The following DUSP4 variants were observed in gnomAD, a reference collection of about 807,000 sequenced individuals.
DUSP4 encodes dual specificity protein phosphatase 4.
A neutral mutation model predicts 27.2 loss-of-function variants in DUSP4; 12 were observed. That is an observed-to-expected ratio of 0.44 (90% CI 0.28 to 0.71). The LOEUF is 0.71. Among genes scored for constraint, DUSP4 ranks in the 30% least tolerant of loss-of-function variants. The pLI is 0.14. For synonymous variants in DUSP4, 257 were observed against 245.2 expected (o/e 1.05, Z -0.45); for missense variants, 448 against 551.3 (o/e 0.81, Z 1.88).
At chr8:29,346,350 G>A (rs1276442765) in intron 1 of DUSP4, among the ~76,000 whole-genome samples, 1 of 152,192 alleles carries the variant, frequency 6.6e-6, no homozygotes, top group Non-Finnish European at 1.5e-5. Flanking sequence ...GGAAGTTTTA[G>A]GTAGGTGGAA....
chr8:29,335,815 A>G lies in DUSP4; in HGVS notation c.*1211T>C, dbSNP rs921944716. 6.6e-6 allele frequency: 1 copy of G among 152,242 alleles called. No individual in the cohort carries two copies. The highest frequency in any genetic ancestry group is 2.4e-5 in the African/African-American group (1 of 41,470). 9.4% of individuals were successfully genotyped at this position (152,242 alleles called of 1,614,324 possible). A position where few individuals can be genotyped will look rare whatever the true frequency, so the allele number is the denominator to read the frequency against. On this transcript the variant is annotated 3_prime_UTR_variant, in exon 4 of 4. Coordinates refer to ENST00000240100, the MANE Select transcript of DUSP4 (RefSeq NM_001394.7). ...CACCTTAGTGTAATATGGCATATTG[A>G]TCACAGACGATAGACAAGTCTTAGG...
rs146330219 is a variant in DUSP4, at chr8:29,346,797, C to T, written c.433+3049G>A. On this transcript the variant is annotated intron_variant, in intron 1 of 3. Transcript: ENST00000240100. Reference sequence around the variant, plus strand: ...CACCTGCATGGAGTAACCAGTTCAACGTGGTTGAAGTAACCCTTCAACGTG... The same window carrying T: ...CACCTGCATGGAGTAACCAGTTCAATGTGGTTGAAGTAACCCTTCAACGTG... Among the ~76,000 whole-genome samples the T allele has an allele frequency of 5.9e-5, 9 of 152,324 alleles. No homozygotes were observed. The East Asian group carries it at 1.5e-3, about 26-fold the overall frequency.
chr8:29,349,784 G>T (rs1817794393), intron 1 of DUSP4, 62 bp downstream of exon 1: 3 of 1,423,174 alleles, frequency 2.1e-6, no homozygotes, highest in Non-Finnish European at 2.7e-6. Context: ...CCAATAAGGC[G>T]CAGGCCGCCA....
intron 2 of DUSP4, among the ~76,000 whole-genome samples, 161 bp from the exon 3 acceptor site, chr8:29,338,662 T>C (rs1817614149): frequency 6.6e-6 from 1 of 152,186 alleles, no homozygotes; most frequent in African/African-American, 2.4e-5. Flanking sequence ...CCTGGAACTC[T>C]TGGAGGGGTG....
At chr8:29,348,628 C>G in intron 1 of DUSP4, 1 of 985,536 alleles carries the variant, frequency 1.0e-6, no homozygotes, top group Non-Finnish European at 1.2e-6. Context: ...CTCCTCCGCA[C>G]TGAACAGTTT....
chr8:29,344,291 T>A (rs186933143), intron 1 of DUSP4, among the ~76,000 whole-genome samples: 1 of 152,344 alleles, frequency 6.6e-6, no homozygotes, highest in African/African-American at 2.4e-5. Flanking sequence ...TGCATTTCTA[T>A]CTCCTGAATA....
intron 1 of DUSP4, chr8:29,345,539 T>C (rs2117274499): frequency 6.4e-7 from 1 of 1,551,692 alleles, no homozygotes; most frequent in Non-Finnish European, 8.7e-7. Context: ...TCGTGCTTCC[T>C]CTTCGTTAGC....
chr8:29,345,956 A>AAGGCTATTTTATTTGC lies in DUSP4; in HGVS notation c.433+3889_433+3890insGCAAATAAAATAGCCT, dbSNP rs1332079435. 51 of 992,692 alleles carry AAGGCTATTTTATTTGC rather than the reference A, an allele frequency of 5.1e-5. No individual in the cohort carries two copies. In the African/African-American group the frequency reaches 7.7e-4, roughly 15 times the overall value. 61.5% of individuals were successfully genotyped at this position (992,692 alleles called of 1,614,324 possible). A position where few individuals can be genotyped will look rare whatever the true frequency, so the allele number is the denominator to read the frequency against. On this transcript the variant is annotated intron_variant, in intron 1 of 3. Coordinates refer to ENST00000240100, the MANE Select transcript of DUSP4 (RefSeq NM_001394.7). The stretch of plus-strand genomic sequence containing the variant: ...AGAAACTACCATATTTGCAAGCAGA[A>AAGGCTATTTTATTTGC]AAGCGAGTCATTTTCCCTTTAGGTA...
chr8:29,348,248 C>G lies in DUSP4; in HGVS notation c.433+1598G>C, dbSNP rs779706963. On this transcript the variant is annotated intron_variant, in intron 1 of 3. Transcript: ENST00000240100. ...AACATCCCGGCCAGCCCCGGCCATT[C>G]GAGGGGACTTGCGTCCCAGAGGAAT... is the stretch of plus-strand genomic sequence containing the variant. The G allele has an allele frequency of 4.1e-6, 4 of 985,466 alleles. No homozygotes were observed. In the African/African-American group the frequency reaches 7.0e-5, roughly 17 times the overall value. 61.0% of individuals were successfully genotyped at this position (985,466 alleles called of 1,614,324 possible). A position where few individuals can be genotyped will look rare whatever the true frequency, so the allele number is the denominator to read the frequency against.
chr8:29,335,728 T>G lies in DUSP4; in HGVS notation c.*1298A>C, dbSNP rs1014920988. ...ATCTCTAGTTGTCTGGTTTCCCCAATGGCTGGCCTTGCCAAATGATTTGCT... is the reference window on the plus strand; with the variant it reads ...ATCTCTAGTTGTCTGGTTTCCCCAAGGGCTGGCCTTGCCAAATGATTTGCT... On this transcript the variant is annotated 3_prime_UTR_variant, in exon 4 of 4. Coordinates refer to ENST00000240100, the MANE Select transcript of DUSP4 (RefSeq NM_001394.7). 1.3e-5 allele frequency: 2 copies of G among 152,258 alleles called. No individual in the cohort carries two copies. Among genetic ancestry groups the G allele is most frequent in the Admixed American group, 6.5e-5 (1 of 15,290 alleles). The allele number at this position is 152,258 out of a possible 1,614,324, so 9.4% of individuals were successfully genotyped here. A position where few individuals can be genotyped will look rare whatever the true frequency, so the allele number is the denominator to read the frequency against.
rs1554633712 is a variant in DUSP4 at position 29,335,735 on chromosome 8, C to T, written c.*1291G>A. ...GTTGTCTGGTTTCCCCAATGGCTGG[C>T]CTTGCCAAATGATTTGCTGTAGGAA... On this transcript the variant is annotated 3_prime_UTR_variant, in exon 4 of 4. Transcript: ENST00000240100. 6.6e-6 allele frequency: 1 copy of T among 152,254 alleles called. No individual in the cohort carries two copies. Among genetic ancestry groups the T allele is most frequent in the Non-Finnish European group, 1.5e-5 (1 of 68,046 alleles). The allele number at this position is 152,254 out of a possible 1,614,324, so 9.4% of individuals were successfully genotyped here.
At chr8:29,339,204 G>A (rs1370405263) in intron 2 of DUSP4, among the ~76,000 whole-genome samples, 2 of 152,176 alleles carry the variant, frequency 1.3e-5, no homozygotes, top group Non-Finnish European at 2.9e-5. Context: ...AAATAAATAA[G>A]CTGATGCCCT....
In DUSP4 at chr8:29,349,999, G is replaced by C. The variant is rs967738306; in HGVS notation, c.280C>G (p.Arg94Gly). 4 of 1,595,412 alleles carry C rather than the reference G, an allele frequency of 2.5e-6. No individual in the cohort carries two copies. Among genetic ancestry groups the C allele is most frequent in the South Asian group, 2.2e-5 (2 of 89,600 alleles). The change falls in exon 1 of 4, where the codon CGC (arginine) becomes GGC (glycine). Residue 94 changes from arginine to glycine, a missense_variant. By Grantham distance (125) the Arg-to-Gly change is moderately radical. This residue lies in a region of DUSP4 where 345 missense variants were observed against 394.0 expected (regional missense o/e 0.88). Transcript: ENST00000240100. The stretch of plus-strand genomic sequence containing the variant: ...TAGAGGCCGGAGCGCAAGCGGGCGC[G>C]TACCTCCTCCTCGGCGGGCAGGATC... ...EQILPAEEEV[R>G]ARLRSGLYSA...
At position 29,350,096 on chromosome 8, in the gene DUSP4, G is replaced by A. The variant is rs1817800187; in HGVS notation, c.183C>T (p.Ile61=). Residue 61 remains isoleucine, a synonymous_variant, in exon 1 of 4, where the codon ATC becomes ATT. Transcript: ENST00000240100. ...RPFLAHSAGY[I]LGSVNVRCNT... ...TACAGCGCACGTTGACCGAACCTAG[G>A]ATGTAGCCCGCGCTGTGCGCCAGGA... The A allele has an allele frequency of 6.2e-7, 1 of 1,608,494 alleles. No homozygotes were observed. The highest frequency in any genetic ancestry group is 8.5e-7 in the Non-Finnish European group (1 of 1,178,704).
rs756040669 is a variant in DUSP4, at chr8:29,349,951, C to A, written c.328G>T (p.Glu110Ter). 1 of 1,593,238 alleles carries A rather than the reference C, an allele frequency of 6.3e-7. No homozygotes were observed. The highest frequency in any genetic ancestry group is 8.5e-7 in the Non-Finnish European group (1 of 1,173,850). ...GLYSAVIVYD[E>*]RSPRAESLRE... ...AGGCTCTCGGCGCGCGGGCTGCGCTCGTCGTAGACGATGACCGCCGAGTAG... is the reference window on the plus strand; with the variant it reads ...AGGCTCTCGGCGCGCGGGCTGCGCTAGTCGTAGACGATGACCGCCGAGTAG... Residue 110 changes from glutamate (E) to a stop codon, truncating the protein, a stop_gained, in exon 1 of 4, where the codon GAG (glutamate) becomes TAG (stop). Coordinates refer to ENST00000240100, the MANE Select transcript of DUSP4 (RefSeq NM_001394.7). LOFTEE classifies it high-confidence loss of function.
rs1239653392 is a variant in DUSP4 at position 29,335,667 on chromosome 8, G to A, written c.*1359C>T. The A allele has an allele frequency of 6.6e-5, 10 of 152,184 alleles. No individual in the cohort carries two copies. The highest frequency in any genetic ancestry group is 2.4e-4 in the African/African-American group (10 of 41,446). 9.4% of individuals were successfully genotyped at this position (152,184 alleles called of 1,614,324 possible). On this transcript the variant is annotated 3_prime_UTR_variant, in exon 4 of 4. Coordinates refer to ENST00000240100, the MANE Select transcript of DUSP4 (RefSeq NM_001394.7). ...CAATTTATGCAAAAAAAGAAAAGATGGTGCTTCAATTTACAAAAGGATTCA... is the reference window on the plus strand; with the variant it reads ...CAATTTATGCAAAAAAAGAAAAGATAGTGCTTCAATTTACAAAAGGATTCA...
chr8:29,338,060 G>T (rs1817603754), intron 3 of DUSP4, among the ~76,000 whole-genome samples: 2 of 152,192 alleles, frequency 1.3e-5, no homozygotes, highest in African/African-American at 4.8e-5. Context: ...CATGCAAGGG[G>T]AAGGGGACTG....
In DUSP4 at chr8:29,338,437, T is replaced by C. The variant is rs769412960; in HGVS notation, c.644A>G (p.Asp215Gly). 9 of 1,614,026 alleles carry C rather than the reference T, an allele frequency of 5.6e-6. No homozygotes were observed. The highest frequency in any genetic ancestry group is 6.8e-6 in the Non-Finnish European group (8 of 1,180,002). Residue 215 changes from aspartate (D) to glycine (G), a missense_variant, in exon 3 of 4, where the codon GAC becomes GGC. This residue lies in a region of DUSP4 where 345 missense variants were observed against 394.0 expected (regional missense o/e 0.88). Coordinates refer to ENST00000240100, the MANE Select transcript of DUSP4 (RefSeq NM_001394.7). Reference sequence around the variant, plus strand: ...CGTGATGCCCAGGGCGTCCAGCATGTCTCTCCGGGCAGCATGGTAGGCACT... The same window carrying C: ...CGTGATGCCCAGGGCGTCCAGCATGCCTCTCCGGGCAGCATGGTAGGCACT... ...LGSAYHAARR[D>G]MLDALGITAL... is the part of the protein sequence containing the mutation.
At chr8:29,338,525 C>A in intron 2 of DUSP4, 24 bp from the exon 3 acceptor site, 1 of 1,605,208 alleles carries the variant, frequency 6.2e-7, no homozygotes, top group Non-Finnish European at 8.5e-7. Flanking sequence ...GAAACAAAGG[C>A]CCCTGAATGA....
Sources: gnomAD v4.1 joint callset for allele counts (sites outside exome capture counted in the v4.1 genomes callset) on GRCh38, gnomAD v4.1.1 for gene constraint, gnomAD v4.1.1 regional missense constraint, MANE v1.5 for transcripts, NCBI Gene and HGNC (gene_info 2026-07-23, HGNC 2026-07-21) for gene names.